TBC1D22A: variants seen among roughly 807,000 people sequenced by gnomAD.
The protein encoded by TBC1D22A is TBC1 domain family member 22A.
Under a neutral mutation model 60.2 loss-of-function variants are expected in TBC1D22A, and 38 were observed. The ratio of observed to expected loss-of-function variants is 0.63; its 90% CI spans 0.49 to 0.83. TBC1D22A has a LOEUF of 0.83. Among genes scored for constraint, TBC1D22A ranks in the 40% least tolerant of loss-of-function variants. The pLI is 0.00. For synonymous variants in TBC1D22A, 302 were observed against 281.7 expected, an observed-to-expected ratio of 1.07 and a Z score of -0.72; for missense variants, 628 against 701.0, an observed-to-expected ratio of 0.90 and a Z score of 1.18.
chr22:46,999,043 A>G (rs1366578006), intron 10 of TBC1D22A, among the ~76,000 whole-genome samples: 3 of 152,216 alleles, frequency 2.0e-5, no homozygotes, highest in Non-Finnish European at 4.4e-5. Context: ...GTAGATGTGA[A>G]TTACACGTTC....
Position 47,149,499 on chromosome 22 carries a change from C to T in TBC1D22A, c.1426-23999C>T, listed in dbSNP as rs190249733. On this transcript the variant is annotated intron_variant, in intron 12 of 12. Transcript: ENST00000337137. ...CACGGCCACAGGCCAGGCTGGCTGC[C>T]GAGAAGGCTGGAGGAGGTGGGCGGG... 2.5e-3 allele frequency among the ~76,000 whole-genome samples: 385 copies of T among 152,374 alleles called. 2 individuals carry two copies. The highest frequency in any genetic ancestry group is 0.01 in the Middle Eastern group (3 of 294).
intron 8 of TBC1D22A, among the ~76,000 whole-genome samples, chr22:46,939,475 G>A (rs1330794530): frequency 6.6e-6 from 1 of 152,208 alleles, no homozygotes; most frequent in East Asian, 1.9e-4. Flanking sequence ...ATAAGTGACA[G>A]TATTCTTTCA....
At chr22:47,173,455 G>A (rs763775521) in intron 12 of TBC1D22A, 43 bp from the exon 13 acceptor site, 13 of 1,605,708 alleles carry the variant, frequency 8.1e-6, no homozygotes, top group South Asian at 5.5e-5. Context: ...GCCCTCCACC[G>A]TGGGTCACCT....
chr22:46,972,458 C>T (rs9616184), intron 8 of TBC1D22A, among the ~76,000 whole-genome samples: 8,232 of 152,190 alleles, frequency 0.054, 317 homozygotes, highest in Non-Finnish European at 0.086. Flanking sequence ...GCGGCTCAGT[C>T]GTGAAGAGGA....
intron 12 of TBC1D22A, among the ~76,000 whole-genome samples, chr22:47,145,755 C>T (rs962838200): frequency 3.3e-5 from 5 of 152,292 alleles, no homozygotes; most frequent in African/African-American, 7.2e-5. Context: ...TCAGGTCTTA[C>T]GTTCTTTTTC....
intron 11 of TBC1D22A, among the ~76,000 whole-genome samples, chr22:47,050,068 G>A (rs1473157538): frequency 1.3e-5 from 2 of 152,076 alleles, no homozygotes; most frequent in Non-Finnish European, 2.9e-5. Context: ...GCAGTGGCTC[G>A]ATCTCAGCCC....
At chr22:46,843,408 G>T (rs2086858913) in intron 4 of TBC1D22A, among the ~76,000 whole-genome samples, 1 of 149,486 alleles carries the variant, frequency 6.7e-6, no homozygotes, top group East Asian at 1.9e-4. Flanking sequence ...CTTCCTCCTG[G>T]GATGCCAGGG....
At chr22:47,030,645 C>T (rs888531120) in intron 10 of TBC1D22A, among the ~76,000 whole-genome samples, 51 of 152,238 alleles carry the variant, frequency 3.4e-4, no homozygotes, top group African/African-American at 1.2e-3. Flanking sequence ...ACAATAATTA[C>T]ACCTGCCTGC....
At chr22:46,775,675 C>A (rs930678320) in intron 1 of TBC1D22A, among the ~76,000 whole-genome samples, 1 of 152,168 alleles carries the variant, frequency 6.6e-6, no homozygotes, top group Non-Finnish European at 1.5e-5. Flanking sequence ...CAAAACCAGT[C>A]ACTAGAGCCA....
intron 4 of TBC1D22A, among the ~76,000 whole-genome samples, chr22:46,835,446 C>A (rs1301300908): frequency 1.3e-5 from 2 of 152,064 alleles, no homozygotes; most frequent in Non-Finnish European, 2.9e-5. Context: ...AATACAAAGA[C>A]TGAACTATGA....
intron 7 of TBC1D22A, among the ~76,000 whole-genome samples, chr22:46,903,474 T>C (rs1305733884): frequency 6.6e-6 from 1 of 152,238 alleles, no homozygotes; most frequent in Non-Finnish European, 1.5e-5. Context: ...TTTGGGGACC[T>C]GTCGGCTCTT....
chr22:46,814,598 C>T (rs2085513371), intron 4 of TBC1D22A, among the ~76,000 whole-genome samples: 1 of 152,020 alleles, frequency 6.6e-6, no homozygotes, highest in African/African-American at 2.4e-5. Flanking sequence ...TTCACGTAGA[C>T]TTGAGATTAA....
intron 8 of TBC1D22A, among the ~76,000 whole-genome samples, chr22:46,933,421 C>T (rs1377841682): frequency 6.6e-6 from 1 of 152,172 alleles, no homozygotes; most frequent in Non-Finnish European, 1.5e-5. Context: ...TGGAATTAGT[C>T]GAAGCCATGG....
intron 8 of TBC1D22A, among the ~76,000 whole-genome samples, chr22:46,913,178 G>T (rs1334785817): frequency 1.3e-5 from 2 of 152,202 alleles, no homozygotes; most frequent in African/African-American, 4.8e-5. Context: ...TAATAAAAGT[G>T]AGGATCTGCT....
intron 8 of TBC1D22A, among the ~76,000 whole-genome samples, chr22:46,921,182 T>C (rs956227373): frequency 6.6e-6 from 1 of 152,204 alleles, no homozygotes; most frequent in African/African-American, 2.4e-5. Flanking sequence ...ATTATTTAGT[T>C]ACCCAGGTAA....
At position 47,112,117 on chromosome 22, in the gene TBC1D22A, G is replaced by A. The variant is rs529473682; in HGVS notation, c.1425+514G>A. Among the ~76,000 whole-genome samples the A allele has an allele frequency of 2.0e-5, 3 of 152,352 alleles. No homozygotes were observed. The East Asian group carries it at 5.8e-4, about 29-fold the overall frequency. ...CCCTCCTCGCATGCCACGCGTCAGA[G>A]GCACGCCCTGCTAGGCTCCGTGCTT... On this transcript the variant is annotated intron_variant, in intron 12 of 12. Coordinates refer to ENST00000337137, the MANE Select transcript of TBC1D22A (RefSeq NM_014346.5).
chr22:47,069,044 A>G (rs893219415), intron 11 of TBC1D22A, among the ~76,000 whole-genome samples: 1 of 151,254 alleles, frequency 6.6e-6, no homozygotes, highest in Admixed American at 6.6e-5. Flanking sequence ...GTTAATAAAT[A>G]TCACTTGGGG....
At chr22:46,989,038 A>C (rs905540572) in intron 9 of TBC1D22A, among the ~76,000 whole-genome samples, 3 of 152,210 alleles carry the variant, frequency 2.0e-5, no homozygotes, top group African/African-American at 4.8e-5. Context: ...CTCACCTTGT[A>C]CTTTTATGCT....
chr22:46,858,564 C>G (rs1332218943), intron 4 of TBC1D22A, among the ~76,000 whole-genome samples: 1 of 152,206 alleles, frequency 6.6e-6, no homozygotes, highest in East Asian at 1.9e-4. Context: ...CGCATGCCAT[C>G]CGTGTTCCTG....
Sources: gnomAD v4.1 joint callset for allele counts (sites outside exome capture counted in the v4.1 genomes callset) on GRCh38, gnomAD v4.1.1 for gene constraint, MANE v1.5 for transcripts, NCBI Gene and HGNC (gene_info 2026-07-23, HGNC 2026-07-21) for gene names.